Variants in TBC1D19 observed in about 807,000 individuals in gnomAD.
TBC1D19 encodes TBC1 domain family member 19.
In TBC1D19, 60 loss-of-function variants were observed where a neutral mutation model predicts 89.0. The observed-to-expected ratio is 0.67, with a 90% confidence interval of 0.55 to 0.84. The LOEUF is 0.84. TBC1D19 is among the 40% of genes least tolerant of loss of function. The pLI is 0.00. For missense variants in TBC1D19, 500 were observed against 610.8 expected (o/e 0.82, Z 1.91); for synonymous variants, 189 against 199.7 (o/e 0.95, Z 0.45).
chr4:26,789,176 C>G, the TBC1D19 span, among the ~76,000 whole-genome samples: 1 of 152,148 alleles, frequency 6.6e-6, no homozygotes, highest in Non-Finnish European at 1.5e-5. Flanking sequence ...ACTTCTATAC[C>G]TTGGTGTTCC....
At position 26,720,055 on chromosome 4, in the gene TBC1D19, A is replaced by T. The variant is rs771597495; in HGVS notation, c.1040-26A>T. On this transcript the variant is annotated intron_variant, in intron 14 of 20. Transcript: ENST00000264866. ...AAGATTTATTTACTTAATCATATTGAAATCCTCTATGGTTTTCTCTTATAG... is the reference window on the plus strand; with the variant it reads ...AAGATTTATTTACTTAATCATATTGTAATCCTCTATGGTTTTCTCTTATAG... The T allele has an allele frequency of 2.6e-6, 4 of 1,556,906 alleles. No homozygotes were observed. In the South Asian group the frequency reaches 4.9e-5, roughly 19 times the overall value.
chr4:26,839,577 C>CA, the TBC1D19 span, among the ~76,000 whole-genome samples: 3 of 151,818 alleles, frequency 2.0e-5, no homozygotes, highest in African/African-American at 4.8e-5. Flanking sequence ...CCATCACCCC[C>CA]CCGCCCTTTC....
At chr4:26,698,655 CA>C (rs1031150273) in intron 13 of TBC1D19, among the ~76,000 whole-genome samples, 80 of 152,208 alleles carry the variant, frequency 5.3e-4, no homozygotes, top group African/African-American at 1.9e-3. Flanking sequence ...GTACTGCTAC[CA>C]AAACAGAGAT....
At chr4:26,751,281 C>G (rs925184476) in intron 19 of TBC1D19, among the ~76,000 whole-genome samples, 1 of 152,108 alleles carries the variant, frequency 6.6e-6, no homozygotes. Flanking sequence ...TCTTATCTAC[C>G]TTTGGAGAAA....
intron 7 of TBC1D19, among the ~76,000 whole-genome samples, chr4:26,656,807 C>G (rs1744851500): frequency 6.6e-6 from 1 of 152,128 alleles, no homozygotes; most frequent in South Asian, 2.1e-4. Flanking sequence ...ACTCTGCCTG[C>G]CTCGGCCTCC....
the TBC1D19 span, among the ~76,000 whole-genome samples, chr4:26,842,648 T>TTTCTTTCTTTC: frequency 7.8e-4 from 103 of 132,198 alleles, no homozygotes; most frequent in African/African-American, 3.0e-3. Flanking sequence ...TTCTTTCTTT[T>TTTCTTTCTTTC]TCTTTCTTCT....
At chr4:26,731,943 G>A (rs146300332) in intron 15 of TBC1D19, among the ~76,000 whole-genome samples, 39 of 152,240 alleles carry the variant, frequency 2.6e-4, no homozygotes, top group Non-Finnish European at 5.3e-4. Flanking sequence ...AATTAAGCCT[G>A]GCTTTGAGAA....
intron 13 of TBC1D19, among the ~76,000 whole-genome samples, chr4:26,700,874 C>T (rs1246881557): frequency 6.6e-6 from 1 of 152,122 alleles, no homozygotes; most frequent in East Asian, 1.9e-4. Flanking sequence ...CCATGTTCTA[C>T]AGTAAAGTCA....
At chr4:26,667,453 AGTGT>A (rs1262819296) in intron 9 of TBC1D19, among the ~76,000 whole-genome samples, 3 of 152,046 alleles carry the variant, frequency 2.0e-5, no homozygotes, top group African/African-American at 7.2e-5. Flanking sequence ...AGAAGCATAC[AGTGT>A]GTCTCTGTGA....
chr4:26,638,891 G>A, intron 6 of TBC1D19, 57 bp downstream of exon 6: 2 of 1,280,740 alleles, frequency 1.6e-6, no homozygotes, highest in Non-Finnish European at 2.2e-6. Context: ...CTTCTTAACT[G>A]TGGATCCAAA....
Position 26,746,228 on chromosome 4 carries a change from G to T in TBC1D19, c.1320-2183G>T, listed in dbSNP as rs576913963. Among the ~76,000 whole-genome samples, 608 of 141,802 alleles carry T rather than the reference G, an allele frequency of 4.3e-3. 7 individuals carry two copies. Among genetic ancestry groups the T allele is most frequent in the African/African-American group, 0.014 (567 of 39,724 alleles). 93.0% of individuals were successfully genotyped at this position (141,802 alleles called of 152,430 possible). The stretch of plus-strand genomic sequence containing the variant: ...GTTATTTTCTCACAGGTCCTTGCAG[G>T]TCTATTTTTTTTTTTTTTTTTTCCA... On this transcript the variant is annotated intron_variant, in intron 18 of 20. Transcript: ENST00000264866.
chr4:26,687,595 T>G (rs906990543), intron 12 of TBC1D19, among the ~76,000 whole-genome samples: 3 of 152,172 alleles, frequency 2.0e-5, no homozygotes, highest in Non-Finnish European at 4.4e-5. Context: ...CAGGAAAATA[T>G]AATTAATTTC....
chr4:26,715,904 A>G (rs1315708340), intron 13 of TBC1D19, among the ~76,000 whole-genome samples: 3 of 152,060 alleles, frequency 2.0e-5, no homozygotes, highest in Non-Finnish European at 4.4e-5. Flanking sequence ...GCCACTGTCA[A>G]TAGTCTCCTA....
intron 10 of TBC1D19, among the ~76,000 whole-genome samples, chr4:26,673,282 A>G (rs1712474059): frequency 1.3e-5 from 2 of 151,670 alleles, no homozygotes; most frequent in South Asian, 2.1e-4. Flanking sequence ...ACATTCTTAT[A>G]TATTGTAATT....
upstream of TBC1D19, among the ~76,000 whole-genome samples, chr4:26,583,472 T>C (rs932221661): frequency 2.0e-5 from 3 of 152,260 alleles, no homozygotes; most frequent in Admixed American, 6.5e-5. Flanking sequence ...CAATGTCTTA[T>C]TCATCCTTGA....
chr4:26,638,685 T>G, intron 5 of TBC1D19, 86 bp from the exon 6 acceptor site: 1 of 1,044,324 alleles, frequency 9.6e-7, no homozygotes, highest in African/African-American at 1.6e-5. Flanking sequence ...ATTTAGCTTT[T>G]AAATAAGTTA....
intron 4 of TBC1D19, among the ~76,000 whole-genome samples, chr4:26,620,910 A>G (rs1211697373): frequency 6.6e-6 from 1 of 152,206 alleles, no homozygotes; most frequent in Non-Finnish European, 1.5e-5. Flanking sequence ...ATGGGGTAGA[A>G]GGGGAAAAAT....
At chr4:26,768,195 A>AG in the TBC1D19 span, among the ~76,000 whole-genome samples, 1 of 152,196 alleles carries the variant, frequency 6.6e-6, no homozygotes, top group South Asian at 2.1e-4. Context: ...GAGCTCACAC[A>AG]GGCCAGGAAG....
chr4:26,646,972 CAT>C (rs575743745), intron 7 of TBC1D19, among the ~76,000 whole-genome samples: 33 of 152,142 alleles, frequency 2.2e-4, no homozygotes, highest in Non-Finnish European at 4.7e-4. Context: ...CTGTACATCA[CAT>C]AGCCTGCTGC....
Sources: allele counts gnomAD v4.1 joint callset (sites outside exome capture counted in the v4.1 genomes callset), GRCh38; gene constraint gnomAD v4.1.1; transcripts MANE v1.5; gene names NCBI Gene and HGNC (gene_info 2026-07-23, HGNC 2026-07-21).